Variants in RGS6 observed in about 807,000 individuals in gnomAD.
RGS6 encodes the protein regulator of G protein signaling 6.
RGS6 carries 30 observed loss-of-function variants against 78.5 expected under a neutral mutation model. The observed-to-expected ratio is 0.38, with a 90% CI of 0.29 to 0.52. RGS6 has a LOEUF of 0.52. RGS6 is among the 20% of genes least tolerant of loss of function. The probability of loss-of-function intolerance (pLI) is 0.85; values close to 1 mark genes in which losing one functional copy is unlikely to be tolerated. For synonymous variants in RGS6, 206 were observed against 206.0 expected (o/e 1.00, Z 0.00); for missense variants, 495 against 609.7 (o/e 0.81, Z 1.98).
At chr14:72,187,475 G>C (rs113859151) in intron 2 of RGS6, among the ~76,000 whole-genome samples, 4 of 152,330 alleles carry the variant, frequency 2.6e-5, no homozygotes, top group African/African-American at 9.6e-5. Context: ...TGCATTCAGA[G>C]TTGGTGGTGG....
intron 2 of RGS6, among the ~76,000 whole-genome samples, chr14:72,297,090 T>C (rs904552850): frequency 1.1e-4 from 17 of 152,182 alleles, no homozygotes; most frequent in African/African-American, 2.9e-4. Flanking sequence ...TGGCCATATA[T>C]ATGTAGGGCT....
chr14:71,867,878 G>A, the RGS6 span, among the ~76,000 whole-genome samples: 4 of 152,140 alleles, frequency 2.6e-5, no homozygotes, highest in Non-Finnish European at 5.9e-5. Context: ...CTCCCAGGGA[G>A]GGCAGCTTAG....
chr14:72,153,739 C>A (rs2096728351), intron 2 of RGS6, among the ~76,000 whole-genome samples: 1 of 151,992 alleles, frequency 6.6e-6, no homozygotes, highest in African/African-American at 2.4e-5. Flanking sequence ...GGAGTAGGTA[C>A]AAAGATCACA....
At chr14:72,253,776 A>T (rs975709144) in intron 2 of RGS6, among the ~76,000 whole-genome samples, 5 of 152,232 alleles carry the variant, frequency 3.3e-5, no homozygotes, top group African/African-American at 1.2e-4. Flanking sequence ...AGAGCTGAGC[A>T]TCGGCCAACC....
At chr14:72,245,119 C>T (rs2053896791) in intron 2 of RGS6, among the ~76,000 whole-genome samples, 1 of 152,214 alleles carries the variant, frequency 6.6e-6, no homozygotes, top group Admixed American at 6.5e-5. Context: ...CTTCTTTCTA[C>T]CTGTCTTAAG....
At chr14:72,458,766 C>T (rs2095699741) in intron 5 of RGS6, among the ~76,000 whole-genome samples, 1 of 152,216 alleles carries the variant, frequency 6.6e-6, no homozygotes, top group Admixed American at 6.5e-5. Context: ...ATGGCACCTT[C>T]TAGCTATATC....
chr14:72,622,312 G>T, the RGS6 span, among the ~76,000 whole-genome samples: 1 of 152,138 alleles, frequency 6.6e-6, no homozygotes, highest in Non-Finnish European at 1.5e-5. Flanking sequence ...GAGAAAAAAA[G>T]ACTGAAAAGG....
intron 2 of RGS6, among the ~76,000 whole-genome samples, chr14:72,054,822 A>G (rs990730805): frequency 6.6e-6 from 1 of 152,086 alleles, no homozygotes; most frequent in Non-Finnish European, 1.5e-5. Flanking sequence ...CTTAAGCAAT[A>G]CATTGTTTCA....
At chr14:72,030,552 T>C (rs1047122630) in intron 2 of RGS6, among the ~76,000 whole-genome samples, 2 of 152,124 alleles carry the variant, frequency 1.3e-5, no homozygotes, top group Non-Finnish European at 2.9e-5. Flanking sequence ...TTAGAAAAAA[T>C]TAGATGATCA....
chr14:72,589,171 TA>T, the RGS6 span, among the ~76,000 whole-genome samples: 1 of 128,090 alleles, frequency 7.8e-6, no homozygotes. Context: ...AATCAGTGTT[TA>T]AAAAAAATAA....
chr14:72,405,327 C>T (rs994507905), intron 3 of RGS6, among the ~76,000 whole-genome samples: 1 of 152,174 alleles, frequency 6.6e-6, no homozygotes, highest in Non-Finnish European at 1.5e-5. Context: ...TGTCCCCTAA[C>T]AATTGCCTAG....
chr14:72,460,199 G>A (rs1022038711), intron 6 of RGS6, among the ~76,000 whole-genome samples: 1 of 152,240 alleles, frequency 6.6e-6, no homozygotes, highest in African/African-American at 2.4e-5. Context: ...TAGAGTGGGT[G>A]AAGTTGAGAG....
Position 72,565,966 on chromosome 14 carries a change from C to CG in RGS6, c.*3505dup, listed in dbSNP as rs199527770. On this transcript the variant is annotated 3_prime_UTR_variant, in exon 18 of 18. Coordinates refer to ENST00000553525, the MANE Select transcript of RGS6 (RefSeq NM_001204424.2). Reference sequence around the variant, plus strand: ...TCCAGGAGCTGGGAAACTCTGGGCTCGGGGGGAGATAATGCACCACCAGCC... The same window carrying CG: ...TCCAGGAGCTGGGAAACTCTGGGCTCGGGGGGGAGATAATGCACCACCAGCC... The CG allele has an allele frequency of 5.3e-3, 813 of 152,132 alleles. 5 individuals are homozygous for CG. The highest frequency in any genetic ancestry group is 8.5e-3 in the Non-Finnish European group (578 of 68,042). The allele number at this position is 152,132 out of a possible 1,614,324, so 9.4% of individuals were successfully genotyped here.
chr14:72,269,672 C>T (rs2059639386), intron 2 of RGS6, among the ~76,000 whole-genome samples: 1 of 143,576 alleles, frequency 7.0e-6, no homozygotes, highest in African/African-American at 2.6e-5. Context: ...TCAAGGGATT[C>T]TCCTGCCTCA....
chr14:72,554,015 C>T (rs1269294254), intron 17 of RGS6, among the ~76,000 whole-genome samples: 2 of 152,230 alleles, frequency 1.3e-5, no homozygotes, highest in East Asian at 1.9e-4. Context: ...CTCCTGAAAA[C>T]GCTGCTTAGT....
At chr14:72,283,372 C>G (rs1174128361) in intron 2 of RGS6, among the ~76,000 whole-genome samples, 1 of 152,148 alleles carries the variant, frequency 6.6e-6, no homozygotes, top group Non-Finnish European at 1.5e-5. Context: ...TGTGTCCCCA[C>G]CCAAACCTCA....
chr14:72,306,966 A>G (rs1222244587), intron 2 of RGS6, among the ~76,000 whole-genome samples: 4 of 152,248 alleles, frequency 2.6e-5, no homozygotes, highest in African/African-American at 9.6e-5. Flanking sequence ...ACAGCATTGC[A>G]TGCTACAGAG....
chr14:72,506,385 G>A (rs1472373281), intron 13 of RGS6, among the ~76,000 whole-genome samples: 1 of 152,128 alleles, frequency 6.6e-6, no homozygotes, highest in Non-Finnish European at 1.5e-5. Context: ...TTTGGCTGAG[G>A]GACAGTTATT....
intron 2 of RGS6, among the ~76,000 whole-genome samples, chr14:72,147,287 A>G (rs1314444264): frequency 6.6e-6 from 1 of 152,206 alleles, no homozygotes; most frequent in Non-Finnish European, 1.5e-5. Context: ...TACTGTAATA[A>G]ACCCTCTTCT....
Sources: gnomAD v4.1 joint callset for allele counts (sites outside exome capture counted in the v4.1 genomes callset) on GRCh38, gnomAD v4.1.1 for gene constraint, MANE v1.5 for transcripts, NCBI Gene and HGNC (gene_info 2026-07-23, HGNC 2026-07-21) for gene names.